Variants in CTCF observed in about 807,000 individuals in gnomAD.
CTCF encodes the protein CCCTC-binding factor, also known as transcriptional repressor CTCF.
In CTCF, 7 loss-of-function variants were observed where a neutral mutation model predicts 72.3. That is an observed-to-expected ratio of 0.10 (90% CI 0.06 to 0.18). CTCF has a LOEUF of 0.18. Ranked by LOEUF, CTCF falls within the 10% of genes least tolerant of loss-of-function variation. CTCF has a pLI of 1.00. For synonymous variants in CTCF, 374 were observed against 315.8 expected (o/e 1.18, Z -1.95); for missense variants, 516 against 949.1 (o/e 0.54, Z 6.00).
chr16:67,629,987 A>G (rs546760551), intron 10 of CTCF, among the ~76,000 whole-genome samples: 1 of 151,524 alleles, frequency 6.6e-6, no homozygotes, highest in African/African-American at 2.4e-5. Flanking sequence ...CGTGTTAGCC[A>G]GAATGGTCTC....
intron 2 of CTCF, among the ~76,000 whole-genome samples, chr16:67,577,672 C>T (rs2051517527): frequency 6.6e-6 from 1 of 151,722 alleles, no homozygotes; most frequent in Non-Finnish European, 1.5e-5. Flanking sequence ...GTCTCATCAT[C>T]TCCTGACCTT....
At position 67,589,620 on chromosome 16, in the gene CTCF, A is replaced by G. The variant is rs569240201; in HGVS notation, c.-10+18356A>G. 3.3e-5 allele frequency among the ~76,000 whole-genome samples: 5 copies of G among 152,274 alleles called. No homozygotes were observed. The South Asian group carries it at 8.3e-4, about 25-fold the overall frequency. ...TGTTTTTCTTTCTGCCTGCCAGACA[A>G]GGAGCTCCCTAAGAACTGAACCTCG... On this transcript the variant is annotated intron_variant, in intron 2 of 11. Coordinates refer to ENST00000264010, the MANE Select transcript of CTCF (RefSeq NM_006565.4).
chr16:67,578,478 A>G (rs2051534019), intron 2 of CTCF, among the ~76,000 whole-genome samples: 1 of 151,638 alleles, frequency 6.6e-6, no homozygotes, highest in African/African-American at 2.4e-5. Flanking sequence ...GATTACACAC[A>G]TGTGCGGCCA....
At chr16:67,601,220 G>A (rs910378035) in intron 2 of CTCF, among the ~76,000 whole-genome samples, 1 of 13,654 alleles carries the variant, frequency 7.3e-5, no homozygotes, top group African/African-American at 1.3e-4. Context: ...ACTAAGGGGT[G>A]TGTGTGTGTG....
chr16:67,606,106 G>T (rs767952520), intron 2 of CTCF, among the ~76,000 whole-genome samples: 1 of 152,120 alleles, frequency 6.6e-6, no homozygotes, highest in Non-Finnish European at 1.5e-5. Context: ...GAGGTATTTT[G>T]TTATTCAAGA....
At chr16:67,594,655 C>T (rs1046528611) in intron 2 of CTCF, among the ~76,000 whole-genome samples, 11 of 152,176 alleles carry the variant, frequency 7.2e-5, no homozygotes, top group Non-Finnish European at 1.5e-4. Context: ...TAGGCTTTCA[C>T]TTAGCATATA....
chr16:67,600,521 T>C (rs1000252555), intron 2 of CTCF, among the ~76,000 whole-genome samples: 1 of 152,064 alleles, frequency 6.6e-6, no homozygotes, highest in Non-Finnish European at 1.5e-5. Flanking sequence ...TGAGCCACCA[T>C]GCCTAGCCTG....
At chr16:67,608,115 G>A (rs1160890092) in intron 2 of CTCF, among the ~76,000 whole-genome samples, 2 of 151,342 alleles carry the variant, frequency 1.3e-5, no homozygotes, top group African/African-American at 4.9e-5. Context: ...ACGAGGTCAG[G>A]AAATCGAGAC....
intron 2 of CTCF, among the ~76,000 whole-genome samples, chr16:67,573,432 AAAAT>A (rs760499078): frequency 1.4e-4 from 22 of 152,092 alleles, no homozygotes; most frequent in African/African-American, 2.9e-4. Context: ...ACCGTCTCAA[AAAAT>A]AAATAAATAA....
intron 2 of CTCF, among the ~76,000 whole-genome samples, chr16:67,576,765 C>T (rs902502673): frequency 2.0e-5 from 3 of 151,858 alleles, no homozygotes; most frequent in African/African-American, 4.8e-5. Flanking sequence ...CTCCTGACCT[C>T]GTAATCCGCC....
intron 4 of CTCF, chr16:67,612,340 AAAG>A (rs1381469142): frequency 1.0e-5 from 4 of 389,964 alleles, no homozygotes; most frequent in African/African-American, 2.1e-5. Context: ...CTCTTAAAAA[AAAG>A]AAGTCTCAGG....
chr16:67,618,940 G>T (rs1271966076), intron 5 of CTCF, among the ~76,000 whole-genome samples: 2 of 152,144 alleles, frequency 1.3e-5, no homozygotes, highest in Non-Finnish European at 1.5e-5. Context: ...TAGAATGAGG[G>T]GCTTGTGCCA....
intron 2 of CTCF, among the ~76,000 whole-genome samples, chr16:67,584,334 C>CGTCTTTTT (rs1567596519): frequency 8.2e-6 from 1 of 121,928 alleles, no homozygotes; most frequent in Admixed American, 7.7e-5. Context: ...AAAAAAAAGT[C>CGTCTTTTT]TTCTTTTTTT....
chr16:67,569,400 G>T (rs929927258), intron 1 of CTCF, among the ~76,000 whole-genome samples: 1 of 151,456 alleles, frequency 6.6e-6, no homozygotes, highest in Non-Finnish European at 1.5e-5. Flanking sequence ...TGGCCAGGAT[G>T]GTCTCAATCT....
At chr16:67,612,240 C>T in intron 4 of CTCF, 119 bp downstream of exon 4, 1 of 857,066 alleles carries the variant, frequency 1.2e-6, no homozygotes, top group South Asian at 2.0e-5. Flanking sequence ...CTTATGATGC[C>T]CTTTTTGTAA....
chr16:67,575,548 G>C (rs368682837), intron 2 of CTCF, among the ~76,000 whole-genome samples: 2 of 151,958 alleles, frequency 1.3e-5, no homozygotes, highest in Non-Finnish European at 2.9e-5. Context: ...GGGTTCAACC[G>C]ATTCTCCTGC....
intron 2 of CTCF, among the ~76,000 whole-genome samples, chr16:67,575,086 G>A (rs1344448516): frequency 6.6e-6 from 1 of 152,054 alleles, no homozygotes; most frequent in African/African-American, 2.4e-5. Context: ...GAAAAAAAAA[G>A]AATTACATTT....
chr16:67,584,382 C>T (rs1440776460), intron 2 of CTCF, among the ~76,000 whole-genome samples: 1 of 145,616 alleles, frequency 6.9e-6, no homozygotes, highest in East Asian at 2.0e-4. Flanking sequence ...GCTCTGTCAC[C>T]CAGGCTGGAG....
intron 1 of CTCF, among the ~76,000 whole-genome samples, chr16:67,566,645 C>G (rs578260747): frequency 6.6e-6 from 1 of 151,008 alleles, no homozygotes; most frequent in African/African-American, 2.4e-5. Flanking sequence ...GGCACGATCT[C>G]GGCTCACTGC....
Sources: gnomAD v4.1 joint callset for allele counts (sites outside exome capture counted in the v4.1 genomes callset) on GRCh38, gnomAD v4.1.1 for gene constraint, MANE v1.5 for transcripts, NCBI Gene and HGNC (gene_info 2026-07-23, HGNC 2026-07-21) for gene names.